The following ELF2 variants were observed in gnomAD, a reference collection of about 807,000 sequenced individuals.
The protein encoded by ELF2 is E74 like ETS transcription factor 2.
In ELF2, 11 loss-of-function variants were observed where a neutral mutation model predicts 54.8. The ratio of observed to expected loss-of-function variants is 0.20; its 90% confidence interval spans 0.13 to 0.33. ELF2 has a LOEUF of 0.33. ELF2 is among the 10% of genes least tolerant of loss of function. The pLI is 1.00. For missense variants in ELF2, 513 were observed against 703.0 expected, an observed-to-expected ratio of 0.73 and a Z score of 3.06; for synonymous variants, 203 against 245.1, an observed-to-expected ratio of 0.83 and a Z score of 1.61.
chr4:139,136,023 T>C (rs186315842), intron 3 of ELF2, among the ~76,000 whole-genome samples: 8 of 152,270 alleles, frequency 5.3e-5, no homozygotes, highest in African/African-American at 1.9e-4. Context: ...CTGCCTATTG[T>C]TTTTGGTGGC....
At chr4:139,109,502 T>C (rs934525504) in intron 4 of ELF2, among the ~76,000 whole-genome samples, 1 of 152,218 alleles carries the variant, frequency 6.6e-6, no homozygotes, top group Non-Finnish European at 1.5e-5. Context: ...ATAAGACATT[T>C]AGTCTTAAGA....
intron 1 of ELF2, among the ~76,000 whole-genome samples, chr4:139,157,539 C>T (rs953424357): frequency 5.3e-5 from 8 of 152,114 alleles, no homozygotes; most frequent in African/African-American, 9.7e-5. Flanking sequence ...GTAGCTAGGA[C>T]TATAGGCACA....
chr4:139,139,382 T>C, intron 2 of ELF2, 31 bp downstream of exon 2: 1 of 1,103,134 alleles, frequency 9.1e-7, no homozygotes, highest in South Asian at 4.6e-5. Flanking sequence ...TCCCAATATA[T>C]ATAATAATAG....
At chr4:139,123,045 G>A (rs1037029791) in intron 4 of ELF2, among the ~76,000 whole-genome samples, 1 of 151,650 alleles carries the variant, frequency 6.6e-6, no homozygotes, top group African/African-American at 2.4e-5. Context: ...TTAGCTGGGC[G>A]TGGTGGTGTG....
intron 4 of ELF2, among the ~76,000 whole-genome samples, chr4:139,104,902 C>T (rs764407341): frequency 5.3e-5 from 8 of 152,174 alleles, no homozygotes; most frequent in Non-Finnish European, 5.9e-5. Context: ...CTTTCCCTCA[C>T]CTTTCCCCAA....
At chr4:139,109,876 A>T (rs1316336521) in intron 4 of ELF2, among the ~76,000 whole-genome samples, 1 of 152,138 alleles carries the variant, frequency 6.6e-6, no homozygotes, top group Non-Finnish European at 1.5e-5. Flanking sequence ...AAAACTTCCC[A>T]CGTGTACTGT....
intron 4 of ELF2, chr4:139,101,539 G>C (rs1433898730): frequency 1.3e-5 from 2 of 152,112 alleles, no homozygotes; most frequent in African/African-American, 4.8e-5. Flanking sequence ...AAATATATGG[G>C]GATTCTTTTT....
chr4:139,118,369 T>C (rs1349906290), intron 4 of ELF2, among the ~76,000 whole-genome samples: 1 of 152,208 alleles, frequency 6.6e-6, no homozygotes, highest in Non-Finnish European at 1.5e-5. Context: ...CCTTAAAAGA[T>C]GGCTAATACC....
At chr4:139,116,835 T>G in intron 4 of ELF2, 1 of 526,838 alleles carries the variant, frequency 1.9e-6, no homozygotes, top group Non-Finnish European at 2.4e-6. Context: ...ACAAAAGTTA[T>G]GACAGCTCAT....
intron 4 of ELF2, among the ~76,000 whole-genome samples, chr4:139,121,095 ATTTTTTTTTTTT>A (rs10711256): frequency 5.1e-4 from 33 of 65,086 alleles, no homozygotes; most frequent in African/African-American, 2.1e-3. Flanking sequence ...TATAACACAG[ATTTTTTTTTTTT>A]TTTTTTTTTT....
chr4:139,167,266 T>G (rs1479018358), intron 1 of ELF2, among the ~76,000 whole-genome samples: 1 of 152,256 alleles, frequency 6.6e-6, no homozygotes, highest in African/African-American at 2.4e-5. Flanking sequence ...GCACACAATG[T>G]CTGGGTTCAG....
chr4:139,154,025 C>T (rs1269378947), intron 1 of ELF2, among the ~76,000 whole-genome samples: 1 of 152,226 alleles, frequency 6.6e-6, no homozygotes, highest in African/African-American at 2.4e-5. Context: ...GGAAAAAGCA[C>T]ATGTCACAGC....
Position 139,084,451 on chromosome 4 carries a change from G to GGCGGCA in ELF2, c.239-10885_239-10884insTGCCGC, listed in dbSNP as rs1161364774. 3.5e-6 allele frequency: 4 copies of GGCGGCA among 1,152,772 alleles called. No homozygotes were observed. In the African/African-American group the frequency reaches 4.9e-5, roughly 14 times the overall value. The allele number at this position is 1,152,772 out of a possible 1,614,324, so 71.4% of individuals were successfully genotyped here. On this transcript the variant is annotated intron_variant, in intron 4 of 9. Coordinates refer to ENST00000686138, the MANE Select transcript of ELF2 (RefSeq NM_001331036.3). ...CGGCAGGGGCAGGGGCGGCGGCGGC[G>GGCGGCA]GCGGCGGCGGCTGTGGCTGTGGCGG...
intron 3 of ELF2, among the ~76,000 whole-genome samples, chr4:139,136,419 C>CA (rs897033287): frequency 1.8e-4 from 26 of 145,000 alleles, no homozygotes; most frequent in East Asian, 6.0e-4. Context: ...CACCAAGGAG[C>CA]AAAAAAAAAA....
chr4:139,102,157 A>G (rs1428926092), intron 4 of ELF2: 2 of 152,078 alleles, frequency 1.3e-5, no homozygotes, highest in Non-Finnish European at 2.9e-5. Context: ...TCCAACTATT[A>G]CACATCAGAA....
intron 4 of ELF2, among the ~76,000 whole-genome samples, chr4:139,105,009 C>T (rs141552011): frequency 2.2e-4 from 33 of 152,170 alleles, no homozygotes; most frequent in African/African-American, 7.0e-4. Flanking sequence ...TATTCAACAA[C>T]GAATTGTTCA....
chr4:139,075,554 T>TG (rs1730186030), intron 4 of ELF2, among the ~76,000 whole-genome samples: 2 of 152,140 alleles, frequency 1.3e-5, no homozygotes, highest in African/African-American at 4.8e-5. Context: ...CTCAGCCTCC[T>TG]GAGTAGCTGG....
At chr4:139,065,294 A>T (rs1274675007) in intron 7 of ELF2, among the ~76,000 whole-genome samples, 2 of 152,162 alleles carry the variant, frequency 1.3e-5, no homozygotes, top group African/African-American at 4.8e-5. Context: ...CCTAGGCAAC[A>T]TAGGGGGACC....
At chr4:139,076,227 A>G (rs1291169920) in intron 4 of ELF2, among the ~76,000 whole-genome samples, 1 of 152,216 alleles carries the variant, frequency 6.6e-6, no homozygotes, top group African/African-American at 2.4e-5. Context: ...ATCTGTTCAA[A>G]GCTAAATGGT....
Sources: allele counts gnomAD v4.1 joint callset (sites outside exome capture counted in the v4.1 genomes callset), GRCh38; gene constraint gnomAD v4.1.1; transcripts MANE v1.5; gene names NCBI Gene and HGNC (gene_info 2026-07-23, HGNC 2026-07-21).